Variants in RAG1 observed in about 807,000 individuals in gnomAD.
The protein encoded by RAG1 is recombination activating 1.
A neutral mutation model predicts 62.7 loss-of-function variants in RAG1; 35 were observed. The ratio of observed to expected loss-of-function variants is 0.56; its 90% CI spans 0.43 to 0.74. The LOEUF is 0.74. Ranked by LOEUF, RAG1 falls within the 30% of genes least tolerant of loss-of-function variation. The pLI, the probability that RAG1 is intolerant of heterozygous loss-of-function variation, is 0.00. For missense variants in RAG1, 1,169 were observed against 1,278.6 expected, an observed-to-expected ratio of 0.91 and a Z score of 1.31; for synonymous variants, 461 against 470.3, an observed-to-expected ratio of 0.98 and a Z score of 0.26.
Position 36,576,273 on chromosome 11 carries a change from T to C in RAG1, c.2969T>C (p.Val990Ala). ...RQSKCYEMED[V>A]LKHHWLYTSK... ...TCCAAATGCTATGAGATGGAAGATG[T>C]CCTGAAACACCACTGGTTGTACACC... The change falls in exon 2 of 2, where the codon GTC (valine) becomes GCC (alanine). Residue 990 changes from valine (V) to alanine (A), a missense_variant. By Grantham distance (64) the Val-to-Ala change is moderately conservative (BLOSUM62 0). This residue lies in a region of RAG1 where 800 missense variants were observed against 943.3 expected (regional missense o/e 0.85). Transcript: ENST00000299440. 6.2e-7 allele frequency: 1 copy of C among 1,614,054 alleles called. No individual in the cohort carries two copies. The highest frequency in any genetic ancestry group is 8.5e-7 in the Non-Finnish European group (1 of 1,180,028).
intron 2 of RAG1, among the ~76,000 whole-genome samples, chr11:36,526,897 T>A (rs1860171974): frequency 6.6e-6 from 1 of 152,242 alleles, no homozygotes; most frequent in Admixed American, 6.5e-5. Flanking sequence ...GAACTGTCTG[T>A]TCATATCCTT....
chr11:36,526,935 C>T (rs1860172566), intron 2 of RAG1, among the ~76,000 whole-genome samples: 1 of 151,794 alleles, frequency 6.6e-6, no homozygotes, highest in South Asian at 2.1e-4. Flanking sequence ...GGTTGTTTCT[C>T]TTTTTTCTTG....
chr11:36,566,397 T>C (rs1487769542), upstream of RAG1: 1 of 152,234 alleles, frequency 6.6e-6, no homozygotes, highest in African/African-American at 2.4e-5. Context: ...TTGAACTTGC[T>C]GCTTTGTTCT....
At position 36,576,014 on chromosome 11, in the gene RAG1, G is replaced by T. The variant is rs1850844107; in HGVS notation, c.2710G>T (p.Glu904Ter). ...ATGGCGATCATCATGCCCTGCTAAA[G>T]AGTGCCCAGAATCCCTCTGCCAGTA... Reference protein sequence around the residue: ...PVWRSSCPAKECPESLCQYSF... With the variant: ...PVWRSSCPAK Residue 904 changes from glutamate to a stop codon, truncating the protein, a stop_gained, in exon 2 of 2, where the codon GAG becomes TAG. Transcript: ENST00000299440. LOFTEE classifies it high-confidence loss of function. 6.2e-7 allele frequency: 1 copy of T among 1,614,082 alleles called. No homozygotes were observed. Among genetic ancestry groups the T allele is most frequent in the Non-Finnish European group, 8.5e-7 (1 of 1,180,058 alleles).
intron 1 of RAG1, among the ~76,000 whole-genome samples, chr11:36,569,447 A>G (rs1446123392): frequency 6.6e-6 from 1 of 152,212 alleles, no homozygotes; most frequent in Admixed American, 6.5e-5. Flanking sequence ...TGAATCCAAG[A>G]TAACTCTTTC....
chr11:36,537,010 G>A (rs1177714899), downstream of RAG1, among the ~76,000 whole-genome samples: 7 of 151,020 alleles, frequency 4.6e-5, no homozygotes, highest in South Asian at 2.1e-4. Context: ...CACCTGCCTC[G>A]GCCTCCCAAA....
At chr11:36,567,627 T>C (rs1475999216), upstream of RAG1, among the ~76,000 whole-genome samples, 2 of 152,236 alleles carry the variant, frequency 1.3e-5, no homozygotes, top group Non-Finnish European at 2.9e-5. Context: ...GTTTCAAGTA[T>C]TTTCCTATAA....
chr11:36,529,473 A>G (rs372929036), intron 2 of RAG1, among the ~76,000 whole-genome samples: 18 of 152,324 alleles, frequency 1.2e-4, no homozygotes, highest in African/African-American at 4.3e-4. Flanking sequence ...TCAATAAACT[A>G]GGTATTGATG....
At chr11:36,547,428 A>G (rs1850411534) in intron 3 of RAG1, among the ~76,000 whole-genome samples, 1 of 152,188 alleles carries the variant, frequency 6.6e-6, no homozygotes, top group Non-Finnish European at 1.5e-5. Context: ...ACACAATAAA[A>G]AATGATAAAG....
Position 36,577,829 on chromosome 11 carries a change from A to T in RAG1, c.*1393A>T, listed in dbSNP as rs1426945282. 1 of 167,056 alleles carries T rather than the reference A, an allele frequency of 6.0e-6. No homozygotes were observed. Among genetic ancestry groups the T allele is most frequent in the African/African-American group, 2.4e-5 (1 of 41,436 alleles). 10.3% of individuals were successfully genotyped at this position (167,056 alleles called of 1,614,324 possible). On this transcript the variant is annotated 3_prime_UTR_variant, in exon 2 of 2. Coordinates refer to ENST00000299440, the MANE Select transcript of RAG1 (RefSeq NM_000448.3). ...AAGGTAGTATCAGAATTTTTTTAGG[A>T]TTCACAACTAATCACTATAGCACAT...
downstream of RAG1, among the ~76,000 whole-genome samples, chr11:36,537,276 G>A (rs1860346579): frequency 6.6e-6 from 1 of 151,994 alleles, no homozygotes; most frequent in African/African-American, 2.4e-5. Context: ...ATATGTTTAG[G>A]CCTCGTGTTA....
In RAG1 at chr11:36,575,714, G is replaced by A. The variant is rs972558635; in HGVS notation, c.2410G>A (p.Ala804Thr). 1 of 1,614,086 alleles carries A rather than the reference G, an allele frequency of 6.2e-7. No individual in the cohort carries two copies. Among genetic ancestry groups the A allele is most frequent in the African/African-American group, 1.3e-5 (1 of 74,936 alleles). The change falls in exon 2 of 2, where the codon GCA (alanine) becomes ACA (threonine). Residue 804 changes from alanine to threonine, a missense_variant. By Grantham distance (58) the Ala-to-Thr change is moderately conservative. This residue lies in a region of RAG1 where 800 missense variants were observed against 943.3 expected (regional missense o/e 0.85). Coordinates refer to ENST00000299440, the MANE Select transcript of RAG1 (RefSeq NM_000448.3). This position sits in a 1 kb window ranked among gnomAD's most constrained non-coding sequence, Gnocchi z 4.1. ...TGCACTCCACTGTGACATTGGCAATGCAGCTGAGTTCTACAAGATCTTCCA... is the reference window on the plus strand; with the variant it reads ...TGCACTCCACTGTGACATTGGCAATACAGCTGAGTTCTACAAGATCTTCCA... The part of the protein sequence containing the change: ...IDALHCDIGN[A>T]AEFYKIFQLE...
At position 36,573,930 on chromosome 11, in the gene RAG1, C is replaced by T. The variant is rs1174762825; in HGVS notation, c.626C>T (p.Pro209Leu). 1 of 1,614,134 alleles carries T rather than the reference C, an allele frequency of 6.2e-7. No homozygotes were observed. Among genetic ancestry groups the T allele is most frequent in the Non-Finnish European group, 8.5e-7 (1 of 1,180,040 alleles). Residue 209 changes from proline (P) to leucine (L), a missense_variant, in exon 2 of 2, where the codon CCA becomes CTA. Pro to Leu is a moderately conservative substitution (Grantham distance 98). Coordinates refer to ENST00000299440, the MANE Select transcript of RAG1 (RefSeq NM_000448.3). ...ACCATGGAGTGGCACCCCCACACAC[C>T]ATCCTGTGACATCTGCAACACTGCC... Reference protein sequence around the residue: ...NVTMEWHPHTPSCDICNTARR... With the variant: ...NVTMEWHPHTLSCDICNTARR...
At chr11:36,558,749 C>G (rs1340809767) in intron 3 of RAG1, among the ~76,000 whole-genome samples, 1 of 152,184 alleles carries the variant, frequency 6.6e-6, no homozygotes, top group African/African-American at 2.4e-5. Context: ...AATTGAGGAA[C>G]TTAATTCATT....
At position 36,574,781 on chromosome 11, in the gene RAG1, G is replaced by A. The variant is rs374560352; in HGVS notation, c.1477G>A (p.Ala493Thr). ...CCACAAGATGTACAGGACTGTGAAA[G>A]CCATCACAGGGAGACAGATTTTTCA... is the stretch of plus-strand genomic sequence containing the variant. The part of the protein sequence containing the change: ...QYHKMYRTVK[A>T]ITGRQIFQPL... The change falls in exon 2 of 2, where the codon GCC becomes ACC. Residue 493 changes from alanine to threonine, a missense_variant. Around this residue, in one of 2 missense-constraint regions of RAG1, gnomAD observed 800 missense variants for 943.3 expected, o/e 0.85. Transcript: ENST00000299440. 5 of 1,614,110 alleles carry A rather than the reference G, an allele frequency of 3.1e-6. No homozygotes were observed. In the African/African-American group the frequency reaches 4.0e-5, roughly 13 times the overall value.
intron 2 of RAG1, among the ~76,000 whole-genome samples, chr11:36,523,883 C>G (rs113436410): frequency 7.2e-5 from 11 of 152,256 alleles, no homozygotes; most frequent in African/African-American, 2.4e-4. Context: ...AATATCTTGA[C>G]ATTCATACAG....
At chr11:36,524,654 A>AT (rs896197449) in intron 2 of RAG1, among the ~76,000 whole-genome samples, 8 of 151,892 alleles carry the variant, frequency 5.3e-5, no homozygotes, top group Non-Finnish European at 1.2e-4. Context: ...ACATCTGGCT[A>AT]TTTTTTGTAA....
chr11:36,576,614 G>T lies in RAG1; in HGVS notation c.*178G>T, dbSNP rs962619224. Reference sequence around the variant, plus strand: ...AGGAATAGAAACTGATGAGCTGATTGCTTGAGGCTTTTAGTGAGTTCCGAA... The same window carrying T: ...AGGAATAGAAACTGATGAGCTGATTTCTTGAGGCTTTTAGTGAGTTCCGAA... On this transcript the variant is annotated 3_prime_UTR_variant, in exon 2 of 2. Transcript: ENST00000299440. The T allele has an allele frequency of 1.9e-5, 14 of 735,402 alleles. No homozygotes were observed. Among genetic ancestry groups the T allele is most frequent in the Non-Finnish European group, 2.3e-6 (1 of 442,194 alleles). The allele number at this position is 735,402 out of a possible 1,614,324, so 45.6% of individuals were successfully genotyped here. A position where few individuals can be genotyped will look rare whatever the true frequency, so the allele number is the denominator to read the frequency against.
downstream of RAG1, among the ~76,000 whole-genome samples, chr11:36,537,406 T>C (rs1860349499): frequency 6.6e-6 from 1 of 152,192 alleles, no homozygotes; most frequent in Non-Finnish European, 1.5e-5. Flanking sequence ...TGTATATACA[T>C]GTCAAAACTC....
Sources: gnomAD v4.1 joint callset for allele counts (sites outside exome capture counted in the v4.1 genomes callset) on GRCh38, gnomAD v4.1.1 for gene constraint, gnomAD v4.1.1 regional missense constraint, Gnocchi (gnomAD v3.1) non-coding constraint, MANE v1.5 for transcripts, NCBI Gene and HGNC (gene_info 2026-07-23, HGNC 2026-07-21) for gene names.